Variants in ZBBX observed in about 807,000 individuals in gnomAD.
ZBBX encodes zinc finger B-box domain-containing protein 1.
Under a neutral mutation model 108.5 loss-of-function variants are expected in ZBBX, and 101 were observed. The observed-to-expected ratio is 0.93, with a 90% confidence interval of 0.79 to 1.10. ZBBX has a LOEUF of 1.10. Among genes scored for constraint, ZBBX ranks in the 50% least tolerant of loss-of-function variants. The pLI is 0.00. For synonymous variants in ZBBX, 356 were observed against 323.4 expected (o/e 1.10, Z -1.08); for missense variants, 1,009 against 941.4 (o/e 1.07, Z -0.94).
At chr3:167,218,592 G>A in the ZBBX span, among the ~76,000 whole-genome samples, 1 of 151,846 alleles carries the variant, frequency 6.6e-6, no homozygotes. Context: ...TTATTTGCAA[G>A]CCTCTTGGTA....
At chr3:167,295,756 TATAA>T (rs1397898432) in intron 18 of ZBBX, among the ~76,000 whole-genome samples, 1,079 of 10,900 alleles carry the variant, frequency 0.099, 141 homozygotes, top group Non-Finnish European at 0.12. Context: ...TATATATATA[TATAA>T]AAAAAACTAG....
At chr3:167,255,538 A>C (rs1207898008) in intron 20 of ZBBX, among the ~76,000 whole-genome samples, 1 of 152,148 alleles carries the variant, frequency 6.6e-6, no homozygotes, top group Non-Finnish European at 1.5e-5. Context: ...TGGTTTTAAA[A>C]AATAAACAAA....
At chr3:167,184,330 C>T in the ZBBX span, among the ~76,000 whole-genome samples, 9 of 152,210 alleles carry the variant, frequency 5.9e-5, no homozygotes, top group East Asian at 1.6e-3. Flanking sequence ...AGATGTTATG[C>T]ACTATCCAGG....
At chr3:167,325,347 C>A (rs543442328) in intron 11 of ZBBX, among the ~76,000 whole-genome samples, 1 of 152,118 alleles carries the variant, frequency 6.6e-6, no homozygotes, top group Non-Finnish European at 1.5e-5. Flanking sequence ...AGACTTCTTA[C>A]ATGGTGGTGG....
At chr3:167,357,149 TAA>T (rs764432608) in intron 8 of ZBBX, among the ~76,000 whole-genome samples, 2 of 152,104 alleles carry the variant, frequency 1.3e-5, no homozygotes, top group Non-Finnish European at 2.9e-5. Flanking sequence ...TTGAGATTGC[TAA>T]AGAGTAAGTA....
In ZBBX at chr3:167,365,921, A is replaced by G. The variant is rs753309833; in HGVS notation, c.238T>C (p.Tyr80His). ...TTTCCTTTATTTTGTGACATCATATATGATTGATTGACCAATTTGCCCACT... is the reference window on the plus strand; with the variant it reads ...TTTCCTTTATTTTGTGACATCATATGTGATTGATTGACCAATTTGCCCACT... ...GKVGKLVNQS[Y>H]MMSQNKGNVV... The change falls in exon 6 of 22, where the codon TAT becomes CAT. Residue 80 changes from tyrosine to histidine, a missense_variant. Physicochemically the swap from Tyr to His is moderately conservative, Grantham distance 83 (BLOSUM62 2). Coordinates refer to ENST00000675490, the MANE Select transcript of ZBBX (RefSeq NM_001199201.2). 3 of 1,609,590 alleles carry G rather than the reference A, an allele frequency of 1.9e-6. No homozygotes were observed. Among genetic ancestry groups the G allele is most frequent in the Non-Finnish European group, 2.5e-6 (3 of 1,176,920 alleles).
chr3:167,228,530 G>A, the ZBBX span, among the ~76,000 whole-genome samples: 1 of 151,880 alleles, frequency 6.6e-6, no homozygotes, highest in Middle Eastern at 3.4e-3. Context: ...GGAAGACATA[G>A]AAGTAGTTTC....
chr3:167,358,797 G>T (rs192321998), intron 8 of ZBBX, among the ~76,000 whole-genome samples: 3 of 151,768 alleles, frequency 2.0e-5, no homozygotes, highest in Non-Finnish European at 4.4e-5. Flanking sequence ...TTAGCTGGGC[G>T]TGGTGACGCG....
intron 11 of ZBBX, 131 bp from the exon 12 acceptor site, chr3:167,322,368 T>C (rs974640881): frequency 9.9e-5 from 68 of 685,944 alleles, no homozygotes; most frequent in Middle Eastern, 6.4e-4. Context: ...AATCAATAGG[T>C]TAAGGTTTAA....
chr3:167,220,278 T>G, the ZBBX span, among the ~76,000 whole-genome samples: 1 of 151,572 alleles, frequency 6.6e-6, no homozygotes, highest in Non-Finnish European at 1.5e-5. Context: ...CGAAGACACA[T>G]CAAAAAAAGA....
At chr3:167,211,402 C>G in the ZBBX span, among the ~76,000 whole-genome samples, 4 of 152,164 alleles carry the variant, frequency 2.6e-5, no homozygotes, top group Admixed American at 2.0e-4. Context: ...AGCTGCAGCT[C>G]TGGCAAAGTG....
intron 19 of ZBBX, among the ~76,000 whole-genome samples, chr3:167,284,188 A>ATC (rs1353224268): frequency 8.3e-6 from 1 of 120,648 alleles, no homozygotes; most frequent in African/African-American, 3.4e-5. Flanking sequence ...ACATATATCT[A>ATC]TATCTATATA....
chr3:167,303,232 T>C (rs1428962036), intron 17 of ZBBX, among the ~76,000 whole-genome samples: 2 of 152,216 alleles, frequency 1.3e-5, no homozygotes, highest in African/African-American at 2.4e-5. Context: ...ATTATGTCTG[T>C]AACATTTTAA....
chr3:167,401,160 A>T (rs1748413069), intron 1 of ZBBX, among the ~76,000 whole-genome samples: 1 of 152,210 alleles, frequency 6.6e-6, no homozygotes, highest in South Asian at 2.1e-4. Flanking sequence ...TAATATAGAT[A>T]ATAATCTAAG....
chr3:167,362,811 C>G (rs1744733642), intron 6 of ZBBX, among the ~76,000 whole-genome samples: 1 of 152,010 alleles, frequency 6.6e-6, no homozygotes, highest in African/African-American at 2.4e-5. Context: ...TATCATGATT[C>G]AGCAAAGGTG....
intron 16 of ZBBX, among the ~76,000 whole-genome samples, chr3:167,308,420 G>A (rs1734029080): frequency 6.6e-6 from 1 of 152,000 alleles, no homozygotes; most frequent in Non-Finnish European, 1.5e-5. Flanking sequence ...AAGACATAAA[G>A]ACAGAAATAC....
chr3:167,236,506 A>T (rs1720236792), downstream of ZBBX, among the ~76,000 whole-genome samples: 2 of 151,826 alleles, frequency 1.3e-5, no homozygotes, highest in African/African-American at 2.4e-5. Flanking sequence ...AGCTAAGGAA[A>T]GTCAGTATCT....
chr3:167,301,964 A>AAC (rs2108206284), intron 17 of ZBBX, among the ~76,000 whole-genome samples: 1 of 151,754 alleles, frequency 6.6e-6, no homozygotes, highest in Non-Finnish European at 1.5e-5. Context: ...TAAAAAAAAA[A>AAC]AAAAAAAAAA....
At chr3:167,376,108 C>G (rs1335572534) in intron 2 of ZBBX, among the ~76,000 whole-genome samples, 3 of 152,138 alleles carry the variant, frequency 2.0e-5, no homozygotes, top group African/African-American at 7.2e-5. Context: ...AATTTTCAAC[C>G]ACCAAGTCCT....
Sources: gnomAD v4.1 joint callset for allele counts (sites outside exome capture counted in the v4.1 genomes callset) on GRCh38, gnomAD v4.1.1 for gene constraint, MANE v1.5 for transcripts, NCBI Gene and HGNC (gene_info 2026-07-23, HGNC 2026-07-21) for gene names.